TNS1: variants seen among roughly 807,000 people sequenced by gnomAD.
The protein encoded by TNS1 is tensin 1.
A neutral mutation model predicts 168.6 loss-of-function variants in TNS1; 62 were observed. The observed-to-expected ratio is 0.37, with a 90% confidence interval of 0.30 to 0.45. TNS1 has a LOEUF of 0.45. Ranked by LOEUF, TNS1 falls within the 20% of genes least tolerant of loss-of-function variation. TNS1 has a pLI of 1.00. For missense variants in TNS1, 2,240 were observed against 2,339.4 expected (o/e 0.96, Z 0.88); for synonymous variants, 934 against 933.2 (o/e 1.00, Z -0.02).
At chr2:217,876,773 G>C (rs564900525) in intron 18 of TNS1, among the ~76,000 whole-genome samples, 12 of 152,194 alleles carry the variant, frequency 7.9e-5, no homozygotes, top group African/African-American at 2.9e-4. Context: ...TACAAGCAGG[G>C]GGAAGATGAT....
At chr2:217,881,766 C>A (rs981524495) in intron 17 of TNS1, 2 of 152,236 alleles carry the variant, frequency 1.3e-5, no homozygotes, top group African/African-American at 4.8e-5. Context: ...AAAAACCTGG[C>A]TCAAAGACAG....
intron 18 of TNS1, chr2:217,850,621 ACACG>A (rs1190187915): frequency 5.0e-5 from 45 of 901,310 alleles, no homozygotes; most frequent in Non-Finnish European, 5.5e-5. Context: ...ACACACACAC[ACACG>A]CACGCACGCA....
chr2:217,947,880 C>T (rs1391656931), intron 3 of TNS1, among the ~76,000 whole-genome samples: 1 of 152,156 alleles, frequency 6.6e-6, no homozygotes, highest in Non-Finnish European at 1.5e-5. Context: ...TCCTGCCCCG[C>T]GCCAAGCTTT....
At chr2:217,867,127 A>G (rs1367733456) in intron 18 of TNS1, among the ~76,000 whole-genome samples, 1 of 152,214 alleles carries the variant, frequency 6.6e-6, no homozygotes, top group East Asian at 1.9e-4. Context: ...TGAGGAGTAC[A>G]AGAAATTATG....
chr2:217,876,533 C>G (rs1052332200), intron 18 of TNS1, among the ~76,000 whole-genome samples: 1 of 152,140 alleles, frequency 6.6e-6, no homozygotes, highest in Non-Finnish European at 1.5e-5. Flanking sequence ...GGATCAAAGG[C>G]CTGGGGCATC....
intron 29 of TNS1, 127 bp from the exon 30 acceptor site, chr2:217,810,118 C>T: frequency 1.4e-6 from 2 of 1,434,288 alleles, no homozygotes; most frequent in Non-Finnish European, 1.9e-6. Flanking sequence ...GGCATCTGCA[C>T]ATAGAAATGT....
chr2:217,891,153 A>G (rs896602880), intron 11 of TNS1, 108 bp from the exon 12 acceptor site: 1 of 1,018,762 alleles, frequency 9.8e-7, no homozygotes, highest in African/African-American at 1.6e-5. Context: ...GCCAAAGAGC[A>G]CCTTTGTCCT....
rs1258742804 is a variant in TNS1, at chr2:217,831,462, G to A, written c.3366C>T (p.Pro1122=). 6.3e-7 allele frequency: 1 copy of A among 1,585,650 alleles called. No individual in the cohort carries two copies. Among genetic ancestry groups the A allele is most frequent in the Non-Finnish European group, 8.6e-7 (1 of 1,166,162 alleles). ...TCCCTCTTCCCAACTCACCTCCTGT[G>A]GGGTGCAACAGGATGTCCGCTGGGT... is the stretch of plus-strand genomic sequence containing the variant. The part of the protein sequence containing the change: ...PHNPADILLH[P]TGEPRSYVES... Residue 1122 remains proline (P), a synonymous_variant, in exon 22 of 33, where the codon CCC becomes CCT. Coordinates refer to ENST00000682258, the MANE Select transcript of TNS1 (RefSeq NM_001387777.1).
chr2:218,029,971 C>T (rs868212306), intron 1 of TNS1, among the ~76,000 whole-genome samples: 26 of 152,182 alleles, frequency 1.7e-4, no homozygotes, highest in Middle Eastern at 3.2e-3. Context: ...TTTTCAACTT[C>T]CTCCTGCTCC....
rs1937917869 is a variant in TNS1, at chr2:217,804,065, G to A, written c.*394C>T. ...TGATTTCCCCTTGCAAAGCAGTTGA[G>A]TTAGGGAGACAGAGCTTTTCCATTC... On this transcript the variant is annotated 3_prime_UTR_variant, in exon 33 of 33. Coordinates refer to ENST00000682258, the MANE Select transcript of TNS1 (RefSeq NM_001387777.1). The A allele has an allele frequency of 6.2e-6, 1 of 162,372 alleles. No homozygotes were observed. Among genetic ancestry groups the A allele is most frequent in the South Asian group, 1.8e-4 (1 of 5,476 alleles). The allele number at this position is 162,372 out of a possible 1,614,324, so 10.1% of individuals were successfully genotyped here.
At chr2:217,808,345 G>A (rs1014093581) in intron 31 of TNS1, among the ~76,000 whole-genome samples, 3 of 152,242 alleles carry the variant, frequency 2.0e-5, no homozygotes, top group African/African-American at 7.2e-5. Context: ...ATCATGGAGA[G>A]GAGAAGCAGA....
At position 217,848,079 on chromosome 2, in the gene TNS1, G is replaced by T. The variant is rs61745187; in HGVS notation, c.2438C>A (p.Thr813Asn). The T allele has an allele frequency of 1.8e-5, 28 of 1,548,696 alleles. No individual in the cohort carries two copies. Among genetic ancestry groups the T allele is most frequent in the Non-Finnish European group, 2.3e-5 (26 of 1,147,556 alleles). The change falls in exon 19 of 33, where the codon ACC (threonine) becomes AAC (asparagine). Residue 813 changes from threonine (T) to asparagine (N), a missense_variant. This residue lies in a region of TNS1 where 2,131 missense variants were observed against 2,171.2 expected (regional missense o/e 0.98). Coordinates refer to ENST00000682258, the MANE Select transcript of TNS1 (RefSeq NM_001387777.1). ...GAACTCAGGGAGACTGGGGATGGGG[G>T]TCTCTGCCAATGGCTGAGGGCTGGG... ...SRPSPQPLAE[T>N]PIPSLPEFPR...
chr2:217,870,994 G>C lies in TNS1; in HGVS notation c.1429+9904C>G, dbSNP rs906236000. Among the ~76,000 whole-genome samples, 7 of 152,156 alleles carry C rather than the reference G, an allele frequency of 4.6e-5. No homozygotes were observed. The South Asian group carries it at 6.2e-4, about 14-fold the overall frequency. On this transcript the variant is annotated intron_variant, in intron 18 of 32. Coordinates refer to ENST00000682258, the MANE Select transcript of TNS1 (RefSeq NM_001387777.1). ...GAGTCAGGAGAGGACTCCCCTCTTG[G>C]GGGAGGCAAAAGAACCGAGAATCCT...
intron 24 of TNS1, 47 bp downstream of exon 24, chr2:217,817,643 T>C: frequency 6.8e-7 from 1 of 1,470,026 alleles, no homozygotes; most frequent in South Asian, 1.2e-5. Context: ...ACTCTTCTAC[T>C]TACTTCATCA....
intron 1 of TNS1, 53 bp downstream of exon 1, chr2:218,002,787 G>C: frequency 2.2e-6 from 1 of 456,436 alleles, no homozygotes; most frequent in Non-Finnish European, 4.4e-6. Context: ...GGGCCGGTGG[G>C]GGGCGGGGGG....
intron 3 of TNS1, among the ~76,000 whole-genome samples, chr2:217,923,119 A>G (rs947352057): frequency 6.6e-6 from 1 of 152,028 alleles, no homozygotes; most frequent in African/African-American, 2.4e-5. Flanking sequence ...CCAGGTAAGG[A>G]AGCCTCCCTC....
At chr2:217,972,547 C>T (rs1013019755) in intron 3 of TNS1, among the ~76,000 whole-genome samples, 1 of 152,214 alleles carries the variant, frequency 6.6e-6, no homozygotes, top group Non-Finnish European at 1.5e-5. Flanking sequence ...GGAGACCAAG[C>T]TGTTGCTGCA....
In TNS1 at chr2:217,821,838, G is replaced by A. The variant is rs1221430825; in HGVS notation, c.3474C>T (p.Ala1158=). The A allele has an allele frequency of 2.5e-6, 4 of 1,582,878 alleles. No individual in the cohort carries two copies. Among genetic ancestry groups the A allele is most frequent in the Admixed American group, 3.7e-5 (2 of 54,718 alleles). Residue 1158 remains alanine (A), a synonymous_variant, in exon 23 of 33, where the codon GCC becomes GCT. Transcript: ENST00000682258. ...PKSFSAPATQ[A]YGHEIPLRNG... The stretch of plus-strand genomic sequence containing the variant: ...TCCTCAGGGGTATCTCATGGCCATA[G>A]GCCTGGGTGGCTGGAGCACTAAAGC...
chr2:218,019,213 G>A (rs1252813879), intron 1 of TNS1, among the ~76,000 whole-genome samples: 1 of 152,218 alleles, frequency 6.6e-6, no homozygotes, highest in Non-Finnish European at 1.5e-5. Flanking sequence ...CTATAGACGG[G>A]GAGTGAGGGA....
Sources: gnomAD v4.1 joint callset for allele counts (sites outside exome capture counted in the v4.1 genomes callset) on GRCh38, gnomAD v4.1.1 for gene constraint, gnomAD v4.1.1 regional missense constraint, MANE v1.5 for transcripts, NCBI Gene and HGNC (gene_info 2026-07-23, HGNC 2026-07-21) for gene names.